Variants in ABCC9 observed in about 807,000 individuals in gnomAD.
ABCC9 encodes the protein ATP-binding cassette sub-family C member 9.
ABCC9 carries 95 observed loss-of-function variants against 188.3 expected under a neutral mutation model. That is an observed-to-expected ratio of 0.50 (90% CI 0.43 to 0.60). ABCC9 has a LOEUF of 0.60. Ranked by LOEUF, ABCC9 falls within the 20% of genes least tolerant of loss-of-function variation. The pLI is 0.00. For synonymous variants in ABCC9, 659 were observed against 652.7 expected, an observed-to-expected ratio of 1.01 and a Z score of -0.15; for missense variants, 1,102 against 1,876.3, an observed-to-expected ratio of 0.59 and a Z score of 7.62.
chr12:21,926,510 G>C (rs374767452), intron 4 of ABCC9, among the ~76,000 whole-genome samples: 2 of 152,128 alleles, frequency 1.3e-5, no homozygotes, highest in Non-Finnish European at 2.9e-5. Flanking sequence ...GTGATTGCTG[G>C]TCCAGCTACT....
chr12:21,908,075 AC>A lies in ABCC9; in HGVS notation c.1455+1del, dbSNP rs1393694247. On this transcript the variant is annotated splice_donor_variant, in intron 11 of 39. Coordinates refer to ENST00000261200, the MANE Select transcript of ABCC9 (RefSeq NM_020297.4). LOFTEE classifies it high-confidence loss of function. ...ATTAAGTTTCCAAAAGATGTTACTT[AC>A]AAGTGTACTTTTCTGAGCCTCTGCC... 6.2e-7 allele frequency: 1 copy of A among 1,612,066 alleles called. No homozygotes were observed. The highest frequency in any genetic ancestry group is 2.2e-5 in the East Asian group (1 of 44,810).
intron 22 of ABCC9, among the ~76,000 whole-genome samples, chr12:21,857,007 G>T (rs920242891): frequency 1.3e-5 from 2 of 152,124 alleles, no homozygotes; most frequent in Non-Finnish European, 2.9e-5. Context: ...AATCAAATGG[G>T]ATAATACTGT....
rs1271126259 is a variant in ABCC9, at chr12:21,880,462, A to G, written c.2019+2304T>C. Among the ~76,000 whole-genome samples the G allele has an allele frequency of 3.3e-5, 5 of 152,180 alleles. No individual in the cohort carries two copies. The East Asian group carries it at 9.6e-4, about 29-fold the overall frequency. ...CATAGAGTGGAAAGCCAAGTTACAC[A>G]GAGTGGGAGAAGAATTTTGCAACAT... On this transcript the variant is annotated intron_variant, in intron 16 of 39. Coordinates refer to ENST00000261200, the MANE Select transcript of ABCC9 (RefSeq NM_020297.4).
At chr12:21,804,670 T>G (rs1189845967) in intron 39 of ABCC9, among the ~76,000 whole-genome samples, 1 of 152,214 alleles carries the variant, frequency 6.6e-6, no homozygotes, top group Non-Finnish European at 1.5e-5. Context: ...TAGGCCCTGA[T>G]GGGACATCAT....
chr12:21,829,304 C>T (rs1943588189), intron 30 of ABCC9, among the ~76,000 whole-genome samples: 2 of 146,830 alleles, frequency 1.4e-5, no homozygotes, highest in Non-Finnish European at 3.0e-5. Context: ...CGGGCTCACA[C>T]CATTCTTCTG....
intron 38 of ABCC9, among the ~76,000 whole-genome samples, chr12:21,806,679 C>T (rs1257130911): frequency 1.3e-5 from 2 of 152,016 alleles, no homozygotes; most frequent in African/African-American, 2.4e-5. Flanking sequence ...TTATAATAAC[C>T]CTCAATGTGT....
In ABCC9 at chr12:21,807,270, C is replaced by T. The variant is rs1941922226; in HGVS notation, c.4449+76G>A. ...TAGTACTGAGGATTCAGAACCCAAT[C>T]AGGAAATAATAAATTGTAATTTTCA... On this transcript the variant is annotated intron_variant, in intron 38 of 39. Transcript: ENST00000261200. 2.5e-6 allele frequency: 4 copies of T among 1,598,294 alleles called. No individual in the cohort carries two copies. In the South Asian group the frequency reaches 3.3e-5, roughly 13 times the overall value.
rs1251258707 is a variant in ABCC9 at position 21,910,258 on chromosome 12, C to A, written c.1219G>T (p.Glu407Ter). 6.2e-7 allele frequency: 1 copy of A among 1,611,074 alleles called. No homozygotes were observed. The highest frequency in any genetic ancestry group is 8.5e-7 in the Non-Finnish European group (1 of 1,178,410). Residue 407 changes from glutamate (E) to a stop codon, truncating the protein, a stop_gained, in exon 10 of 40, where the codon GAG becomes TAG. Transcript: ENST00000261200. LOFTEE classifies it high-confidence loss of function. ...TTGTTGATCTGCCCCAGAGTCATCT[C>A]CCCCATGGATAAGTTAGACGTAGAG... ...RLSTSNLSMG[E>*]MTLGQINNLV...
chr12:21,845,771 T>G lies in ABCC9; in HGVS notation c.2928A>C (p.Lys976Asn). Residue 976 changes from lysine (K) to asparagine (N), a missense_variant, in exon 26 of 40, where the codon AAA becomes AAC. Physicochemically the swap from Lys to Asn is moderately conservative, Grantham distance 94. Transcript: ENST00000261200. ...AGCGCCAGCAGGTTTTCCATGGCAT[T>G]TTAGTCCTGAGCCTCATTACAGTGG... Reference protein sequence around the residue: ...NMSTVMRLRTKMPWKTCWRYL... With the variant: ...NMSTVMRLRTNMPWKTCWRYL... 1.2e-6 allele frequency: 2 copies of G among 1,613,900 alleles called. No individual in the cohort carries two copies. Among genetic ancestry groups the G allele is most frequent in the Non-Finnish European group, 1.7e-6 (2 of 1,179,856 alleles).
At chr12:21,871,741 C>A (rs1946090734) in intron 18 of ABCC9, among the ~76,000 whole-genome samples, 1 of 152,166 alleles carries the variant, frequency 6.6e-6, no homozygotes, top group Admixed American at 6.5e-5. Context: ...TAGCAGCATC[C>A]CTGGCCTCTA....
chr12:21,844,201 CA>C (rs936907228), intron 28 of ABCC9, among the ~76,000 whole-genome samples: 26 of 152,094 alleles, frequency 1.7e-4, no homozygotes, highest in Non-Finnish European at 2.9e-4. Flanking sequence ...TTAATCAAAA[CA>C]ATTTTTTTAT....
intron 39 of ABCC9, among the ~76,000 whole-genome samples, chr12:21,801,979 A>T (rs1309346284): frequency 6.6e-6 from 1 of 152,114 alleles, no homozygotes; most frequent in East Asian, 1.9e-4. Flanking sequence ...CTAATTTCAA[A>T]ATGTGAGCTA....
intron 12 of ABCC9, among the ~76,000 whole-genome samples, chr12:21,904,322 A>G (rs1385901554): frequency 6.6e-6 from 1 of 152,194 alleles, no homozygotes; most frequent in Non-Finnish European, 1.5e-5. Context: ...AACCATAAAA[A>G]CCCTAGAAGA....
intron 9 of ABCC9, 74 bp from the exon 10 acceptor site, chr12:21,910,386 TAAATAAC>T (rs1948260546): frequency 7.1e-7 from 1 of 1,408,738 alleles, no homozygotes; most frequent in South Asian, 1.3e-5. Flanking sequence ...TCACTGAAAA[TAAATAAC>T]AAACATTTAA....
At chr12:21,833,126 G>C (rs906257409) in intron 30 of ABCC9, among the ~76,000 whole-genome samples, 42 of 152,216 alleles carry the variant, frequency 2.8e-4, no homozygotes, top group African/African-American at 9.9e-4. Flanking sequence ...TTGGGGTGAA[G>C]GATGGAAGAG....
chr12:21,836,028 A>G (rs1418452435), intron 30 of ABCC9, among the ~76,000 whole-genome samples: 2 of 152,066 alleles, frequency 1.3e-5, no homozygotes, highest in South Asian at 2.1e-4. Context: ...TTCACATTCA[A>G]TTTGCTCCTA....
chr12:21,799,541 G>C lies in ABCC9; in HGVS notation c.*1503C>G, dbSNP rs965906894. The C allele has an allele frequency of 1.3e-5, 2 of 152,068 alleles. No individual in the cohort carries two copies. The highest frequency in any genetic ancestry group is 2.9e-5 in the Non-Finnish European group (2 of 68,010). The allele number at this position is 152,068 out of a possible 1,614,324, so 9.4% of individuals were successfully genotyped here. A position where few individuals can be genotyped will look rare whatever the true frequency, so the allele number is the denominator to read the frequency against. On this transcript the variant is annotated 3_prime_UTR_variant, in exon 40 of 40. Transcript: ENST00000261200. ...GTTACAATTTAAGCTAAATATCATG[G>C]ACCATTTTTGTCCATCTTGTGGAAC...
intron 24 of ABCC9, among the ~76,000 whole-genome samples, chr12:21,848,786 G>A (rs116854097): frequency 9.2e-5 from 14 of 152,258 alleles, no homozygotes; most frequent in Non-Finnish European, 1.3e-4. Flanking sequence ...GGTAGAGAAC[G>A]TTGAAGAAAA....
intron 30 of ABCC9, among the ~76,000 whole-genome samples, chr12:21,834,447 T>G (rs988820023): frequency 1.3e-5 from 2 of 152,110 alleles, no homozygotes; most frequent in African/African-American, 4.8e-5. Context: ...GGTAGAGCAG[T>G]CCCTTAGGCT....
Sources: allele counts gnomAD v4.1 joint callset (sites outside exome capture counted in the v4.1 genomes callset), GRCh38; gene constraint gnomAD v4.1.1; transcripts MANE v1.5; gene names NCBI Gene and HGNC (gene_info 2026-07-23, HGNC 2026-07-21).